Variants in SULT6B1 observed in about 807,000 individuals in gnomAD.
SULT6B1 encodes the protein sulfotransferase family 6B member 1.
SULT6B1 carries 44 observed loss-of-function variants against 37.2 expected under a neutral mutation model. That is an observed-to-expected ratio of 1.18 (90% CI 0.93 to 1.52). The LOEUF (loss-of-function observed/expected upper bound fraction) is 1.52, where lower values mean the gene tolerates loss of function less well. Ranked by LOEUF, SULT6B1 falls within the 40% of genes most tolerant of loss-of-function variation. SULT6B1 has a pLI of 0.00. For synonymous variants in SULT6B1, 140 were observed against 126.0 expected (o/e 1.11, Z -0.74); for missense variants, 450 against 361.0 (o/e 1.25, Z -2.00).
At chr2:37,173,395 A>G (rs1300654007) in intron 5 of SULT6B1, among the ~76,000 whole-genome samples, 1 of 152,014 alleles carries the variant, frequency 6.6e-6, no homozygotes, top group East Asian at 1.9e-4. Flanking sequence ...ATACCTACGT[A>G]TATATTTCCA....
chr2:37,191,610 CAA>C (rs1405986450), upstream of SULT6B1, among the ~76,000 whole-genome samples: 4 of 152,168 alleles, frequency 2.6e-5, no homozygotes, highest in Non-Finnish European at 5.9e-5. Context: ...TGCTGAAAAC[CAA>C]AGAGTGAGAA....
At chr2:37,190,506 C>T (rs1268220002), upstream of SULT6B1, among the ~76,000 whole-genome samples, 1 of 152,158 alleles carries the variant, frequency 6.6e-6, no homozygotes, top group Non-Finnish European at 1.5e-5. Context: ...GATGTAATTT[C>T]CTAACAGCCT....
Position 37,188,475 on chromosome 2 carries a change from C to T in SULT6B1, c.166G>A (p.Asp56Asn), listed in dbSNP as rs1169108027. ...GGATAAGATGCTAGCACGATGTCAT[C>T]ATGTCTGGCTTCGAAGGTGTCCAGC... ...QALDTFEARH[D>N]DIVLASYPKC... Residue 56 changes from aspartate to asparagine, a missense_variant, in exon 1 of 7, where the codon GAT becomes AAT. Transcript: ENST00000535679. 5.0e-6 allele frequency: 8 copies of T among 1,613,994 alleles called. No homozygotes were observed. Among genetic ancestry groups the T allele is most frequent in the Non-Finnish European group, 6.8e-6 (8 of 1,179,980 alleles).
At chr2:37,174,227 C>CTTTTTTTTT (rs35100458) in intron 5 of SULT6B1, among the ~76,000 whole-genome samples, 1 of 58,478 alleles carries the variant, frequency 1.7e-5, no homozygotes, top group African/African-American at 6.7e-5. Flanking sequence ...TCTTCCTATT[C>CTTTTTTTTT]TTTTTTTTTT....
intron 2 of SULT6B1, among the ~76,000 whole-genome samples, chr2:37,184,830 T>TAA (rs551575379): frequency 6.2e-5 from 9 of 144,236 alleles, no homozygotes; most frequent in African/African-American, 5.1e-5. Flanking sequence ...AGACTCCATT[T>TAA]AAAAAAAAAA....
At chr2:37,180,150 T>C (rs1459689673) in intron 3 of SULT6B1, among the ~76,000 whole-genome samples, 1 of 152,154 alleles carries the variant, frequency 6.6e-6, no homozygotes, top group Non-Finnish European at 1.5e-5. Flanking sequence ...AACCAAAAGA[T>C]TGCAGAGGAT....
At chr2:37,183,390 A>G in intron 3 of SULT6B1, 35 bp downstream of exon 3, 1 of 1,544,166 alleles carries the variant, frequency 6.5e-7, no homozygotes, top group Admixed American at 1.7e-5. Flanking sequence ...ATACATAGAA[A>G]TTTCAAAGAA....
chr2:37,182,902 C>T (rs1198896315), intron 3 of SULT6B1, among the ~76,000 whole-genome samples: 3 of 152,110 alleles, frequency 2.0e-5, no homozygotes, highest in African/African-American at 2.4e-5. Context: ...ATAGTTTCAG[C>T]GAGGCATGGT....
chr2:37,183,686 C>T (rs1676606683), intron 2 of SULT6B1, among the ~76,000 whole-genome samples, 172 bp from the exon 3 acceptor site: 1 of 152,176 alleles, frequency 6.6e-6, no homozygotes, highest in Admixed American at 6.5e-5. Flanking sequence ...CTCTGTCGCC[C>T]AGGCTGTAGT....
At chr2:37,184,603 A>G (rs1676630118) in intron 2 of SULT6B1, among the ~76,000 whole-genome samples, 1 of 152,230 alleles carries the variant, frequency 6.6e-6, no homozygotes, top group Non-Finnish European at 1.5e-5. Context: ...TTTGTAGCCA[A>G]TTGTTCTGTA....
upstream of SULT6B1, among the ~76,000 whole-genome samples, chr2:37,190,583 C>T (rs563677097): frequency 1.4e-3 from 215 of 152,292 alleles, 1 homozygote; most frequent in Non-Finnish European, 2.6e-3. Flanking sequence ...GGCTAAGTGG[C>T]TTCTAGAAGA....
At chr2:37,178,487 C>T (rs1278946506) in intron 4 of SULT6B1, among the ~76,000 whole-genome samples, 2 of 152,140 alleles carry the variant, frequency 1.3e-5, no homozygotes, top group Non-Finnish European at 2.9e-5. Flanking sequence ...CCGCCCGCCT[C>T]GGCCTCCCAA....
At chr2:37,173,589 T>A (rs986159416) in intron 5 of SULT6B1, among the ~76,000 whole-genome samples, 1 of 152,190 alleles carries the variant, frequency 6.6e-6, no homozygotes, top group African/African-American at 2.4e-5. Flanking sequence ...GTTCTTCACC[T>A]GCTGCCATCT....
At chr2:37,180,479 A>T (rs1676527014) in intron 3 of SULT6B1, among the ~76,000 whole-genome samples, 1 of 152,234 alleles carries the variant, frequency 6.6e-6, no homozygotes, top group Admixed American at 6.5e-5. Context: ...CAAGTCAGCT[A>T]ACACCTGGAT....
chr2:37,188,373 T>A, intron 1 of SULT6B1, 69 bp downstream of exon 1: 11 of 1,367,628 alleles, frequency 8.0e-6, no homozygotes, highest in Non-Finnish European at 1.0e-5. Context: ...TCATCCCACC[T>A]TTGTCTCATA....
upstream of SULT6B1, among the ~76,000 whole-genome samples, chr2:37,192,079 C>G (rs1676791219): frequency 6.6e-6 from 1 of 152,220 alleles, no homozygotes; most frequent in Non-Finnish European, 1.5e-5. Flanking sequence ...TGGGTGCCTC[C>G]TGCAGTGTTG....
Position 37,188,634 on chromosome 2 carries a change from C to T in SULT6B1, c.7G>A (p.Asp3Asn). 1 of 1,229,238 alleles carries T rather than the reference C, an allele frequency of 8.1e-7. No homozygotes were observed. The highest frequency in any genetic ancestry group is 1.2e-6 in the Non-Finnish European group (1 of 842,578). 76.1% of individuals were successfully genotyped at this position (1,229,238 alleles called of 1,614,324 possible). ...ATGTATTCAATAAATTTGGATTTAT[C>T]AGCCATGGTGGCTCCCTGTAAAAGA... MA[D>N]KSKFIEYIDE... Residue 3 changes from aspartate to asparagine, a missense_variant, in exon 1 of 7, where the codon GAT becomes AAT. By Grantham distance (23) the Asp-to-Asn change is conservative. Transcript: ENST00000535679.
chr2:37,182,344 C>T (rs143654365), intron 3 of SULT6B1, among the ~76,000 whole-genome samples: 7 of 151,788 alleles, frequency 4.6e-5, no homozygotes, highest in Non-Finnish European at 8.8e-5. Flanking sequence ...ACGTCCGCCT[C>T]TCAGATTCAA....
chr2:37,187,496 C>T (rs746864579), intron 1 of SULT6B1, 29 bp from the exon 2 acceptor site: 2 of 1,395,498 alleles, frequency 1.4e-6, no homozygotes, highest in Non-Finnish European at 2.0e-6. Context: ...AATAAAAACT[C>T]ATTACGGAGT....
Sources: gnomAD v4.1 joint callset for allele counts (sites outside exome capture counted in the v4.1 genomes callset) on GRCh38, gnomAD v4.1.1 for gene constraint, MANE v1.5 for transcripts, NCBI Gene and HGNC (gene_info 2026-07-23, HGNC 2026-07-21) for gene names.